The following CLVS1 variants were observed in gnomAD, a reference collection of about 807,000 sequenced individuals.
CLVS1 encodes the protein clavesin 1.
A neutral mutation model predicts 33.1 loss-of-function variants in CLVS1; 10 were observed. That is an observed-to-expected ratio of 0.30 (90% CI 0.19 to 0.51). The LOEUF (loss-of-function observed/expected upper bound fraction) is 0.51. Ranked by LOEUF, CLVS1 falls within the 20% of genes least tolerant of loss-of-function variation. The pLI, the probability that CLVS1 is intolerant of heterozygous loss-of-function variation, is 0.97. For synonymous variants in CLVS1, 163 were observed against 166.1 expected (o/e 0.98, Z 0.14); for missense variants, 343 against 433.4 (o/e 0.79, Z 1.85).
intron 5 of CLVS1, among the ~76,000 whole-genome samples, chr8:61,492,825 A>T (rs779124142): frequency 2.0e-5 from 3 of 152,214 alleles, no homozygotes; most frequent in Non-Finnish European, 2.9e-5. Context: ...TTCTCTTAAA[A>T]AAATTATTTA....
At chr8:61,381,341 T>A (rs976171630) in intron 3 of CLVS1, among the ~76,000 whole-genome samples, 1 of 152,204 alleles carries the variant, frequency 6.6e-6, no homozygotes, top group African/African-American at 2.4e-5. Flanking sequence ...CATGGAGCAA[T>A]GCTCAGAGGC....
chr8:61,181,697 C>CTTTTTTTTTTTTTT (rs369025438), intron 2 of CLVS1, among the ~76,000 whole-genome samples: 1 of 103,202 alleles, frequency 9.7e-6, no homozygotes, highest in Non-Finnish European at 1.9e-5. Context: ...ACCATCTGAT[C>CTTTTTTTTTTTTTT]TTTTTTTTTT....
At chr8:61,075,370 T>G (rs933379159) in intron 1 of CLVS1, among the ~76,000 whole-genome samples, 41 of 152,120 alleles carry the variant, frequency 2.7e-4, no homozygotes, top group African/African-American at 9.2e-4. Context: ...ACCCCCAAGT[T>G]TATCTGGATA....
chr8:61,271,958 C>G (rs1421166764), intron 2 of CLVS1, among the ~76,000 whole-genome samples: 16 of 151,804 alleles, frequency 1.1e-4, no homozygotes, highest in Non-Finnish European at 1.8e-4. Flanking sequence ...ATGGGTCTGT[C>G]TGTGTCTTTT....
the CLVS1 span, among the ~76,000 whole-genome samples, chr8:60,986,549 G>A: frequency 2.0e-5 from 3 of 152,238 alleles, no homozygotes; most frequent in African/African-American, 4.8e-5. Flanking sequence ...AAGAACTTAG[G>A]AGTTTTCTCT....
At chr8:61,131,944 C>G (rs1018916726) in intron 2 of CLVS1, 8 of 152,378 alleles carry the variant, frequency 5.3e-5, no homozygotes, top group Admixed American at 5.2e-4. Context: ...TTAATGGAGG[C>G]TCTTCCCCTA....
At chr8:61,167,345 A>C (rs974800378) in intron 2 of CLVS1, among the ~76,000 whole-genome samples, 17 of 151,454 alleles carry the variant, frequency 1.1e-4, no homozygotes, top group African/African-American at 4.1e-4. Context: ...GGCTCGGATA[A>C]TTTTTTTTAT....
At chr8:61,352,139 A>G (rs940291835) in intron 2 of CLVS1, among the ~76,000 whole-genome samples, 1 of 152,060 alleles carries the variant, frequency 6.6e-6, no homozygotes. Context: ...GGAAAAGTAC[A>G]GGGACTTTAA....
chr8:61,251,556 G>T (rs908746770), intron 2 of CLVS1, among the ~76,000 whole-genome samples: 1 of 152,042 alleles, frequency 6.6e-6, no homozygotes, highest in African/African-American at 2.4e-5. Context: ...GCTTTTTTTG[G>T]TTGGTAGGCT....
the CLVS1 span, among the ~76,000 whole-genome samples, chr8:61,048,680 G>A: frequency 6.6e-6 from 1 of 152,146 alleles, no homozygotes; most frequent in Non-Finnish European, 1.5e-5. Flanking sequence ...ATCAAGCAGT[G>A]GTGGTAGTGG....
chr8:61,393,071 C>T (rs1387450519), intron 3 of CLVS1, among the ~76,000 whole-genome samples: 6 of 151,860 alleles, frequency 4.0e-5, no homozygotes, highest in South Asian at 4.2e-4. Flanking sequence ...TTAGTGGAGA[C>T]GGGTTTCTCC....
chr8:60,995,214 G>C, the CLVS1 span, among the ~76,000 whole-genome samples: 2 of 152,150 alleles, frequency 1.3e-5, no homozygotes, highest in Admixed American at 1.3e-4. Context: ...TACCATCAGA[G>C]TGAACAGGCA....
At chr8:61,194,493 G>T (rs577942138) in intron 2 of CLVS1, among the ~76,000 whole-genome samples, 30 of 152,052 alleles carry the variant, frequency 2.0e-4, no homozygotes, top group African/African-American at 7.0e-4. Context: ...TTGGGATAGT[G>T]CACAATGATA....
At chr8:61,395,044 G>A (rs757281023) in intron 3 of CLVS1, among the ~76,000 whole-genome samples, 42 of 152,216 alleles carry the variant, frequency 2.8e-4, no homozygotes, top group African/African-American at 7.2e-4. Flanking sequence ...TTGCTATGGC[G>A]TTGCTTGAGT....
chr8:61,419,558 T>A (rs1355162659), intron 3 of CLVS1, among the ~76,000 whole-genome samples: 1 of 152,172 alleles, frequency 6.6e-6, no homozygotes, highest in East Asian at 1.9e-4. Context: ...AGGGGACCTG[T>A]ACTTGTTTCA....
At chr8:61,441,752 A>T (rs1816556904) in intron 3 of CLVS1, among the ~76,000 whole-genome samples, 1 of 152,222 alleles carries the variant, frequency 6.6e-6, no homozygotes, top group East Asian at 1.9e-4. Context: ...GATTGAACAC[A>T]AAACAAGGCA....
At chr8:61,002,969 C>A in the CLVS1 span, among the ~76,000 whole-genome samples, 1 of 152,172 alleles carries the variant, frequency 6.6e-6, no homozygotes, top group Admixed American at 6.5e-5. Context: ...CTTTCCTGGG[C>A]CCAGAAGCAG....
intron 2 of CLVS1, among the ~76,000 whole-genome samples, chr8:61,142,528 G>A (rs1307634118): frequency 1.3e-5 from 2 of 152,162 alleles, no homozygotes; most frequent in Admixed American, 6.5e-5. Context: ...AGGAAAAAAG[G>A]GAAAGGAAGA....
chr8:61,248,910 T>C (rs905446589), intron 2 of CLVS1, among the ~76,000 whole-genome samples: 4 of 152,122 alleles, frequency 2.6e-5, no homozygotes, highest in African/African-American at 7.2e-5. Context: ...ATGAGCTATA[T>C]GAAATGCACT....
Sources: gnomAD v4.1 joint callset for allele counts (sites outside exome capture counted in the v4.1 genomes callset) on GRCh38, gnomAD v4.1.1 for gene constraint, MANE v1.5 for transcripts, NCBI Gene and HGNC (gene_info 2026-07-23, HGNC 2026-07-21) for gene names.